Variants in SIPA1L2 observed in about 807,000 individuals in gnomAD.
The protein encoded by SIPA1L2 is signal-induced proliferation-associated 1-like protein 2.
A neutral mutation model predicts 163.9 loss-of-function variants in SIPA1L2; 56 were observed. The observed-to-expected ratio is 0.34, with a 90% CI of 0.28 to 0.43. The LOEUF is 0.43. Among genes scored for constraint, SIPA1L2 ranks in the 20% least tolerant of loss-of-function variants. The pLI is 1.00. For missense variants in SIPA1L2, 1,974 were observed against 2,193.5 expected (o/e 0.90, Z 2.00); for synonymous variants, 877 against 865.7 (o/e 1.01, Z -0.23).
At chr1:232,438,099 T>A (rs1350207840) in intron 15 of SIPA1L2, among the ~76,000 whole-genome samples, 1 of 152,068 alleles carries the variant, frequency 6.6e-6, no homozygotes, top group African/African-American at 2.4e-5. Context: ...ACACTCAGTA[T>A]CCCCTGGCAG....
chr1:232,602,295 G>A (rs1661640298), intron 1 of SIPA1L2, among the ~76,000 whole-genome samples: 3 of 152,144 alleles, frequency 2.0e-5, no homozygotes, highest in South Asian at 4.1e-4. Flanking sequence ...ATGCTGAGGG[G>A]TGCAGATTTT....
chr1:232,401,027 G>C (rs558760508), intron 22 of SIPA1L2, among the ~76,000 whole-genome samples: 10 of 152,142 alleles, frequency 6.6e-5, no homozygotes, highest in Admixed American at 4.6e-4. Context: ...CCATTCCCCA[G>C]CAGTGACATT....
At chr1:232,507,160 G>C (rs1572999928) in intron 3 of SIPA1L2, among the ~76,000 whole-genome samples, 1 of 148,148 alleles carries the variant, frequency 6.8e-6, no homozygotes, top group South Asian at 2.2e-4. Flanking sequence ...GTCCCCTAAG[G>C]CTCTTACGGT....
intron 6 of SIPA1L2, among the ~76,000 whole-genome samples, chr1:232,482,517 C>T (rs999214897): frequency 2.0e-5 from 3 of 151,744 alleles, no homozygotes; most frequent in Non-Finnish European, 4.4e-5. Flanking sequence ...ATTTTGGGTA[C>T]CATGAATTAT....
At chr1:232,538,117 A>T (rs549695453) in intron 2 of SIPA1L2, among the ~76,000 whole-genome samples, 52 of 152,258 alleles carry the variant, frequency 3.4e-4, no homozygotes, top group Non-Finnish European at 6.9e-4. Flanking sequence ...AAAAAGTCTC[A>T]GTAATTTCAA....
In SIPA1L2 at chr1:232,441,812, C is replaced by T; in HGVS notation, c.3494G>A (p.Gly1165Glu). ...CATGGTGTCTTCCCTCTCCCTGGCT[C>T]CGTCACATTCCAAAGGGCCTGAGCC... ...HQGSGPLECD[G>E]AREREDTMEA... The change falls in exon 13 of 23, where the codon GGA (glycine) becomes GAA (glutamate). Residue 1165 changes from glycine to glutamate, a missense_variant. This residue lies in a region of SIPA1L2 where 1,079 missense variants were observed against 1,150.7 expected (regional missense o/e 0.94). Transcript: ENST00000674635. 2 of 1,613,872 alleles carry T rather than the reference C, an allele frequency of 1.2e-6. No homozygotes were observed. Among genetic ancestry groups the T allele is most frequent in the Non-Finnish European group, 1.7e-6 (2 of 1,179,950 alleles).
At chr1:232,462,297 TAC>T in intron 9 of SIPA1L2, 1 of 1,549,786 alleles carries the variant, frequency 6.5e-7, no homozygotes, top group South Asian at 1.2e-5. Flanking sequence ...GGAGGTATCA[TAC>T]TCCTATCCCC....
intron 2 of SIPA1L2, among the ~76,000 whole-genome samples, chr1:232,563,233 A>T (rs2102750566): frequency 1.3e-5 from 2 of 152,332 alleles, no homozygotes; most frequent in East Asian, 3.9e-4. Flanking sequence ...TAAACAACAG[A>T]CACAGGAATA....
intron 2 of SIPA1L2, among the ~76,000 whole-genome samples, chr1:232,540,260 C>T (rs1423692280): frequency 6.6e-6 from 1 of 152,056 alleles, no homozygotes; most frequent in African/African-American, 2.4e-5. Flanking sequence ...GCCGAGGTCA[C>T]GCCACTGCAC....
intron 2 of SIPA1L2, among the ~76,000 whole-genome samples, chr1:232,548,135 C>T (rs1270979538): frequency 2.0e-5 from 3 of 152,136 alleles, no homozygotes; most frequent in Non-Finnish European, 4.4e-5. Flanking sequence ...AGAGTAATTA[C>T]TTGAGTAAAA....
chr1:232,404,883 T>A (rs566877279), intron 19 of SIPA1L2, among the ~76,000 whole-genome samples: 1 of 152,190 alleles, frequency 6.6e-6, no homozygotes, highest in Non-Finnish European at 1.5e-5. Context: ...AGCACACTTA[T>A]GTATCTACAG....
intron 6 of SIPA1L2, among the ~76,000 whole-genome samples, chr1:232,483,281 G>C (rs1336031852): frequency 6.6e-6 from 1 of 151,534 alleles, no homozygotes; most frequent in African/African-American, 2.4e-5. Flanking sequence ...GATCCAGGGG[G>C]TACATGTGCA....
At chr1:232,622,400 G>T (rs1299844682) in intron 1 of SIPA1L2, among the ~76,000 whole-genome samples, 1 of 152,200 alleles carries the variant, frequency 6.6e-6, no homozygotes, top group Non-Finnish European at 1.5e-5. Flanking sequence ...ATTTCCTGTA[G>T]AAATGAACCC....
chr1:232,608,047 C>CAAATAAAAAAA (rs1662039200), intron 1 of SIPA1L2, among the ~76,000 whole-genome samples: 1 of 67,496 alleles, frequency 1.5e-5, no homozygotes, highest in Non-Finnish European at 2.6e-5. Context: ...AACTCCATCT[C>CAAATAAAAAAA]AAAAAAAAAA....
At chr1:232,554,306 G>A (rs571869390) in intron 2 of SIPA1L2, among the ~76,000 whole-genome samples, 1 of 152,340 alleles carries the variant, frequency 6.6e-6, no homozygotes, top group South Asian at 2.1e-4. Flanking sequence ...TGGCTGGACA[G>A]TCTGAAACTT....
chr1:232,563,956 CGTGTGT>C lies in SIPA1L2; in HGVS notation c.-270+10212_-270+10217del, dbSNP rs34854572. 5.1e-3 allele frequency among the ~76,000 whole-genome samples: 366 copies of C among 72,194 alleles called. 5 individuals are homozygous for C. Among genetic ancestry groups the C allele is most frequent in the South Asian group, 0.026 (42 of 1,640 alleles). 47.4% of individuals were successfully genotyped at this position (72,194 alleles called of 152,430 possible). On this transcript the variant is annotated intron_variant, in intron 2 of 22. Coordinates refer to ENST00000674635, the MANE Select transcript of SIPA1L2 (RefSeq NM_020808.5). ...ACGACAAAGGTTTGTTTTTTTTTTTCGTGTGTGTGTGTGTGTGTGTGTGTGTGTGTG... is the reference window on the plus strand; with the variant it reads ...ACGACAAAGGTTTGTTTTTTTTTTTCGTGTGTGTGTGTGTGTGTGTGTGTG...
chr1:232,539,163 C>T (rs573441093), intron 2 of SIPA1L2, among the ~76,000 whole-genome samples: 2 of 152,238 alleles, frequency 1.3e-5, no homozygotes. Context: ...ACTACACAAA[C>T]CGCTGCAGGT....
intron 6 of SIPA1L2, among the ~76,000 whole-genome samples, chr1:232,481,462 G>A (rs1665352378): frequency 7.0e-6 from 1 of 142,418 alleles, no homozygotes. Flanking sequence ...AAAGAAAGAT[G>A]CATTGCGGGG....
chr1:232,575,103 G>A lies in SIPA1L2; in HGVS notation c.-318-881C>T, dbSNP rs917931631. ...TCTGCAAACTCAACTACAGCCAAGCGCCCTAGGGCTCACACTCAGACCTGA... is the reference window on the plus strand; with the variant it reads ...TCTGCAAACTCAACTACAGCCAAGCACCCTAGGGCTCACACTCAGACCTGA... On this transcript the variant is annotated intron_variant, in intron 1 of 22. Coordinates refer to ENST00000674635, the MANE Select transcript of SIPA1L2 (RefSeq NM_020808.5). 7.2e-5 allele frequency among the ~76,000 whole-genome samples: 11 copies of A among 152,072 alleles called. No homozygotes were observed. The East Asian group carries it at 1.4e-3, about 19-fold the overall frequency.
Sources: gnomAD v4.1 joint callset for allele counts (sites outside exome capture counted in the v4.1 genomes callset) on GRCh38, gnomAD v4.1.1 for gene constraint, gnomAD v4.1.1 regional missense constraint, MANE v1.5 for transcripts, NCBI Gene and HGNC (gene_info 2026-07-23, HGNC 2026-07-21) for gene names.